The following TMC5 variants were observed in gnomAD, a reference collection of about 807,000 sequenced individuals.
TMC5 encodes the protein transmembrane channel like 5.
In TMC5, 86 loss-of-function variants were observed where a neutral mutation model predicts 110.5. The ratio of observed to expected loss-of-function variants is 0.78; its 90% CI spans 0.65 to 0.93. The LOEUF is 0.93. Ranked by LOEUF, TMC5 falls within the 40% of genes least tolerant of loss-of-function variation. TMC5 has a pLI of 0.00. For synonymous variants in TMC5, 455 were observed against 439.5 expected, an observed-to-expected ratio of 1.04 and a Z score of -0.44; for missense variants, 1,144 against 1,222.8, an observed-to-expected ratio of 0.94 and a Z score of 0.96.
rs559093663 is a variant in TMC5, at chr16:19,428,283, CTCTT to C, written c.-307-2125_-307-2122del. ...AAGATTAATTGGTGACATTTGCCAACTCTTTCTTCTCAAATTTCCCAATTCTTTT... is the reference window on the plus strand; with the variant it reads ...AAGATTAATTGGTGACATTTGCCAACTCTTCTCAAATTTCCCAATTCTTTT... On this transcript the variant is annotated intron_variant, in intron 1 of 21. Transcript: ENST00000542583. Among the ~76,000 whole-genome samples, 190 of 151,128 alleles carry C rather than the reference CTCTT, an allele frequency of 1.3e-3. No homozygotes were observed. In the South Asian group the frequency reaches 0.037, roughly 29 times the overall value.
At chr16:19,486,475 C>G (rs535705856) in intron 15 of TMC5, among the ~76,000 whole-genome samples, 5 of 152,332 alleles carry the variant, frequency 3.3e-5, no homozygotes, top group African/African-American at 1.2e-4. Flanking sequence ...CTCCCAGGTT[C>G]AAGCGATTCT....
chr16:19,435,659 T>C (rs1967328803), intron 2 of TMC5, among the ~76,000 whole-genome samples: 1 of 152,130 alleles, frequency 6.6e-6, no homozygotes, highest in African/African-American at 2.4e-5. Context: ...AGAGATTCCC[T>C]CCTGCAATTC....
chr16:19,478,816 T>C (rs1461523249), intron 13 of TMC5, among the ~76,000 whole-genome samples: 2 of 152,096 alleles, frequency 1.3e-5, no homozygotes, highest in African/African-American at 4.8e-5. Flanking sequence ...CATTTACCCA[T>C]CCATCATCCA....
Position 19,492,218 on chromosome 16 carries a change from A to T in TMC5, c.2816A>T (p.Gln939Leu). ...RKIMIRLLHE[Q>L]IINEGKDKMF... The stretch of plus-strand genomic sequence containing the variant: ...ATTATGATAAGGCTGCTCCATGAGC[A>T]GATCATTAATGTAAGTCCCCTTGGA... The change falls in exon 19 of 22, where the codon CAG becomes CTG. Residue 939 changes from glutamine to leucine, a missense_variant. Physicochemically the swap from Gln to Leu is moderately radical, Grantham distance 113 (BLOSUM62 -2). Coordinates refer to ENST00000542583, the MANE Select transcript of TMC5 (RefSeq NM_001261841.2). The T allele has an allele frequency of 6.2e-7, 1 of 1,612,972 alleles. No individual in the cohort carries two copies. Among genetic ancestry groups the T allele is most frequent in the Non-Finnish European group, 8.5e-7 (1 of 1,178,970 alleles).
At chr16:19,473,335 G>C in intron 11 of TMC5, among the ~76,000 whole-genome samples, 1 of 98,880 alleles carries the variant, frequency 1.0e-5, no homozygotes, top group Non-Finnish European at 1.7e-5. Context: ...AACAGAGCGA[G>C]ACTCCGGCTC....
chr16:19,471,935 AT>A (rs1416570281), intron 10 of TMC5, among the ~76,000 whole-genome samples, 152 bp from the exon 11 acceptor site: 3 of 151,898 alleles, frequency 2.0e-5, no homozygotes, highest in Admixed American at 6.6e-5. Context: ...TAATTTTTGT[AT>A]TTTTGGTAGA....
At chr16:19,497,218 C>T in intron 21 of TMC5, 55 bp downstream of exon 21, 2 of 1,548,932 alleles carry the variant, frequency 1.3e-6, no homozygotes, top group Non-Finnish European at 1.8e-6. Context: ...GGTGAAATAT[C>T]CTAAGACAAG....
chr16:19,457,132 A>G (rs1383072470), intron 5 of TMC5: 17 of 846,164 alleles, frequency 2.0e-5, no homozygotes, highest in Non-Finnish European at 3.0e-5. Flanking sequence ...GCTCACACCT[A>G]TAATCCTACG....
intron 18 of TMC5, among the ~76,000 whole-genome samples, chr16:19,490,918 CTTCT>C (rs1968882975): frequency 9.3e-6 from 1 of 107,860 alleles, no homozygotes; most frequent in Admixed American, 9.4e-5. Flanking sequence ...TTCCCTTCCC[CTTCT>C]TTCTCCCTTC....
chr16:19,430,247 T>C (rs1967168960), intron 1 of TMC5, among the ~76,000 whole-genome samples, 166 bp from the exon 2 acceptor site: 1 of 152,250 alleles, frequency 6.6e-6, no homozygotes, highest in Non-Finnish European at 1.5e-5. Flanking sequence ...ATTTGACCTT[T>C]TCTTCTCTAT....
At chr16:19,422,418 G>A (rs921251709) in intron 1 of TMC5, among the ~76,000 whole-genome samples, 2 of 152,164 alleles carry the variant, frequency 1.3e-5, no homozygotes, top group African/African-American at 4.8e-5. Flanking sequence ...CTTTCCAGGT[G>A]TCTCCGTTTA....
intron 3 of TMC5, 76 bp downstream of exon 3, chr16:19,440,902 G>A: frequency 6.8e-7 from 1 of 1,467,736 alleles, no homozygotes; most frequent in South Asian, 1.3e-5. Flanking sequence ...AATTTGGTTG[G>A]TGTGGTTTAG....
chr16:19,490,611 C>A, intron 18 of TMC5, 43 bp downstream of exon 18: 1 of 1,605,036 alleles, frequency 6.2e-7, no homozygotes, highest in East Asian at 2.2e-5. Flanking sequence ...AAGCCAGGAG[C>A]TCTCGAGGGA....
At chr16:19,470,534 C>G (rs1045136586) in intron 10 of TMC5, among the ~76,000 whole-genome samples, 1 of 151,886 alleles carries the variant, frequency 6.6e-6, no homozygotes, top group Non-Finnish European at 1.5e-5. Flanking sequence ...ATTTGACAAC[C>G]TCTAGAGACT....
chr16:19,465,093 CT>C (rs2143600132), intron 8 of TMC5, among the ~76,000 whole-genome samples: 2 of 105,640 alleles, frequency 1.9e-5, no homozygotes, highest in East Asian at 2.4e-4. Context: ...TCCTTCCTTC[CT>C]TCCTTCCTTC....
chr16:19,439,480 T>C (rs1249970646), intron 2 of TMC5, among the ~76,000 whole-genome samples: 1 of 152,206 alleles, frequency 6.6e-6, no homozygotes, highest in Non-Finnish European at 1.5e-5. Context: ...AAAGCTTAGT[T>C]GCATGTGTTA....
intron 3 of TMC5, among the ~76,000 whole-genome samples, chr16:19,443,131 C>T (rs1418663434): frequency 1.3e-5 from 2 of 152,196 alleles, no homozygotes; most frequent in African/African-American, 4.8e-5. Flanking sequence ...TGGTTCTTGA[C>T]TTTGGCTGAT....
rs755043004 is a variant in TMC5 at position 19,487,185 on chromosome 16, C to T, written c.2440-8C>T. On this transcript the variant is annotated splice_region_variant and splice_polypyrimidine_tract_variant and intron_variant, in intron 16 of 21. Transcript: ENST00000542583. The stretch of plus-strand genomic sequence containing the variant: ...GCAGATGGGAGGTGGCTGCCTCTCT[C>T]TCTTCAGATCAGCCTGATGATGAAT... 2 of 1,610,054 alleles carry T rather than the reference C, an allele frequency of 1.2e-6. No individual in the cohort carries two copies. The highest frequency in any genetic ancestry group is 8.5e-7 in the Non-Finnish European group (1 of 1,177,908).
rs1259324749 is a variant in TMC5, at chr16:19,490,926, T to TCCCTTCCCCTTCCTTCCCTTCCCTTC, written c.2747+368_2747+369insTCCTTCCCTTCCCTTCCCCTTCCCCT. Among the ~76,000 whole-genome samples the TCCCTTCCCCTTCCTTCCCTTCCCTTC allele has an allele frequency of 1.6e-3, 156 of 97,440 alleles. 2 individuals carry two copies. The highest frequency in any genetic ancestry group is 6.1e-3 in the African/African-American group (124 of 20,208). 63.9% of individuals were successfully genotyped at this position (97,440 alleles called of 152,430 possible). A position where few individuals can be genotyped will look rare whatever the true frequency, so the allele number is the denominator to read the frequency against. ...CCCTCCCTTCCCTTCCCCTTCTTTC[T>TCCCTTCCCCTTCCTTCCCTTCCCTTC]CCCTTCCCCTCCCTTCCCTTCCTTT... On this transcript the variant is annotated intron_variant, in intron 18 of 21. Transcript: ENST00000542583.
Sources: allele counts gnomAD v4.1 joint callset (sites outside exome capture counted in the v4.1 genomes callset), GRCh38; gene constraint gnomAD v4.1.1; transcripts MANE v1.5; gene names NCBI Gene and HGNC (gene_info 2026-07-23, HGNC 2026-07-21).